NRXN3: variants seen among roughly 807,000 people sequenced by gnomAD.
NRXN3 encodes the protein neurexin 3.
Under a neutral mutation model 137.6 loss-of-function variants are expected in NRXN3, and 32 were observed. The observed-to-expected ratio is 0.23, with a 90% CI of 0.18 to 0.31. The LOEUF (loss-of-function observed/expected upper bound fraction) is 0.31, where lower values mean the gene tolerates loss of function less well. Among genes scored for constraint, NRXN3 ranks in the 10% least tolerant of loss-of-function variants. The probability of loss-of-function intolerance (pLI) is 1.00; values close to 1 mark genes in which losing one functional copy is unlikely to be tolerated. For missense variants in NRXN3, 1,574 were observed against 2,062.5 expected, an observed-to-expected ratio of 0.76 and a Z score of 4.59; for synonymous variants, 798 against 784.5, an observed-to-expected ratio of 1.02 and a Z score of -0.29.
At chr14:79,271,858 C>A (rs1383237748) in intron 15 of NRXN3, among the ~76,000 whole-genome samples, 1 of 152,144 alleles carries the variant, frequency 6.6e-6, no homozygotes, top group African/African-American at 2.4e-5. Context: ...CGTCAATTTA[C>A]AATGCTCTTT....
At chr14:78,605,551 TA>T (rs987519815) in intron 4 of NRXN3, among the ~76,000 whole-genome samples, 14 of 152,192 alleles carry the variant, frequency 9.2e-5, no homozygotes, top group African/African-American at 3.4e-4. Context: ...TAATGTCATA[TA>T]AAAATGCTAC....
At chr14:78,940,334 C>T (rs564688605) in intron 10 of NRXN3, among the ~76,000 whole-genome samples, 2 of 152,230 alleles carry the variant, frequency 1.3e-5, no homozygotes, top group African/African-American at 4.8e-5. Flanking sequence ...AAACTCAGAC[C>T]CAAATGTGCA....
intron 1 of NRXN3, among the ~76,000 whole-genome samples, chr14:78,227,484 G>A (rs557553376): frequency 1.8e-4 from 28 of 152,296 alleles, no homozygotes; most frequent in African/African-American, 6.5e-4. Flanking sequence ...TTTGCTCCGT[G>A]CATGTTACAT....
chr14:78,757,267 G>A (rs149060987), intron 8 of NRXN3, among the ~76,000 whole-genome samples: 22 of 152,130 alleles, frequency 1.4e-4, no homozygotes, highest in South Asian at 8.3e-4. Flanking sequence ...GAAATTAGCC[G>A]AATGTGGCAA....
intron 10 of NRXN3, among the ~76,000 whole-genome samples, chr14:78,831,650 A>G (rs988306649): frequency 9.9e-5 from 15 of 151,840 alleles, no homozygotes; most frequent in Admixed American, 3.9e-4. Flanking sequence ...CCATTTCCTG[A>G]AAAGTCCTGT....
rs554511384 is a variant in NRXN3, at chr14:78,710,737, G to C, written c.1660+1082G>C. ...TGAGCTTTGGTGGGTTGGCTTTTCT[G>C]CATAATTCCAAAGCTAGGCTGACGG... On this transcript the variant is annotated intron_variant, in intron 7 of 20. Transcript: ENST00000335750. Among the ~76,000 whole-genome samples the C allele has an allele frequency of 7.2e-5, 11 of 152,306 alleles. No individual in the cohort carries two copies. The East Asian group carries it at 1.9e-3, about 27-fold the overall frequency.
intron 6 of NRXN3, among the ~76,000 whole-genome samples, chr14:78,679,045 G>A (rs751083644): frequency 5.3e-5 from 8 of 152,108 alleles, no homozygotes; most frequent in South Asian, 2.1e-4. Context: ...AGACGATAAA[G>A]CAAAACACAA....
intron 15 of NRXN3, among the ~76,000 whole-genome samples, chr14:79,091,571 CA>C (rs999792473): frequency 8.5e-5 from 13 of 152,064 alleles, no homozygotes; most frequent in African/African-American, 2.7e-4. Context: ...CGCTTTGTCC[CA>C]GGTGTTCCTG....
intron 4 of NRXN3, among the ~76,000 whole-genome samples, chr14:78,592,504 A>G (rs1197124521): frequency 6.6e-6 from 1 of 152,156 alleles, no homozygotes; most frequent in Non-Finnish European, 1.5e-5. Flanking sequence ...TCCAACAGCC[A>G]TTGTGGTTGT....
chr14:78,543,321 A>G (rs751613692), intron 4 of NRXN3, among the ~76,000 whole-genome samples: 9 of 152,232 alleles, frequency 5.9e-5, no homozygotes, highest in African/African-American at 9.6e-5. Flanking sequence ...ATGCATATGT[A>G]CACTTTTCTA....
intron 15 of NRXN3, among the ~76,000 whole-genome samples, chr14:79,164,740 A>G (rs1279932184): frequency 6.6e-6 from 1 of 152,030 alleles, no homozygotes; most frequent in Non-Finnish European, 1.5e-5. Flanking sequence ...AGAGAAATTA[A>G]CAGGTCATTG....
At chr14:79,494,792 T>C (rs4566079) in intron 16 of NRXN3, among the ~76,000 whole-genome samples, 64,478 of 151,964 alleles carry the variant, frequency 0.42, 14,343 homozygotes, top group African/African-American at 0.55. Context: ...GGTTTGAAAC[T>C]AAGAAATTAA....
At chr14:78,570,840 G>T (rs1307687923) in intron 4 of NRXN3, among the ~76,000 whole-genome samples, 1 of 152,210 alleles carries the variant, frequency 6.6e-6, no homozygotes, top group Admixed American at 6.5e-5. Context: ...TTACCCGTAT[G>T]AGTCTAAAAG....
Position 79,822,870 on chromosome 14 carries a change from T to G in NRXN3, c.4093+17680T>G, listed in dbSNP as rs574469905. Among the ~76,000 whole-genome samples, 4 of 152,122 alleles carry G rather than the reference T, an allele frequency of 2.6e-5. No individual in the cohort carries two copies. In the East Asian group the frequency reaches 7.7e-4, roughly 29 times the overall value. ...AAAGCCACCCTAGGATAAATATAACTAGAAGGCCAAGATCAGTTTAGAAGT... is the reference window on the plus strand; with the variant it reads ...AAAGCCACCCTAGGATAAATATAACGAGAAGGCCAAGATCAGTTTAGAAGT... On this transcript the variant is annotated intron_variant, in intron 20 of 20. Transcript: ENST00000335750.
chr14:79,740,961 T>C (rs1603458664), intron 19 of NRXN3, among the ~76,000 whole-genome samples: 1 of 151,742 alleles, frequency 6.6e-6, no homozygotes, highest in East Asian at 1.9e-4. Context: ...CATCACATAA[T>C]TTAACTCCAT....
intron 16 of NRXN3, among the ~76,000 whole-genome samples, chr14:79,591,037 T>C (rs74068094): frequency 0.011 from 1,665 of 152,186 alleles, 31 homozygotes; most frequent in African/African-American, 0.038. Context: ...ACAGATACAG[T>C]GGGAGCTCGT....
chr14:79,011,044 T>C (rs1298745663), intron 15 of NRXN3, among the ~76,000 whole-genome samples: 1 of 152,188 alleles, frequency 6.6e-6, no homozygotes, highest in Non-Finnish European at 1.5e-5. Flanking sequence ...AAGAGGATAC[T>C]TGGCAAACAG....
chr14:79,538,646 G>C (rs1261027504), intron 16 of NRXN3, among the ~76,000 whole-genome samples: 2 of 152,054 alleles, frequency 1.3e-5, no homozygotes, highest in Non-Finnish European at 2.9e-5. Context: ...TTAGACCTCT[G>C]TCAGATGGAT....
At chr14:78,763,468 A>G (rs1177311826) in intron 8 of NRXN3, among the ~76,000 whole-genome samples, 1 of 151,454 alleles carries the variant, frequency 6.6e-6, no homozygotes, top group Non-Finnish European at 1.5e-5. Context: ...TAAAAATACT[A>G]TATATAATTA....
Sources: allele counts gnomAD v4.1 joint callset (sites outside exome capture counted in the v4.1 genomes callset), GRCh38; gene constraint gnomAD v4.1.1; transcripts MANE v1.5; gene names NCBI Gene and HGNC (gene_info 2026-07-23, HGNC 2026-07-21).